DGKD: variants seen among roughly 807,000 people sequenced by gnomAD.
DGKD encodes the protein DAG kinase delta.
A neutral mutation model predicts 154.4 loss-of-function variants in DGKD; 68 were observed. The ratio of observed to expected loss-of-function variants is 0.44; its 90% CI spans 0.36 to 0.54. The LOEUF is 0.54. Among genes scored for constraint, DGKD ranks in the 20% least tolerant of loss-of-function variants. The pLI is 0.00. For synonymous variants in DGKD, 693 were observed against 638.0 expected (o/e 1.09, Z -1.30); for missense variants, 1,343 against 1,593.6 (o/e 0.84, Z 2.68).
intron 1 of DGKD, among the ~76,000 whole-genome samples, chr2:233,383,698 C>T (rs930850927): frequency 3.3e-5 from 5 of 152,206 alleles, no homozygotes; most frequent in Non-Finnish European, 5.9e-5. Context: ...GCTGAAGTCC[C>T]CCTCCCTCCC....
intron 3 of DGKD, among the ~76,000 whole-genome samples, chr2:233,403,172 T>A (rs1429540604): frequency 1.3e-5 from 2 of 152,224 alleles, no homozygotes; most frequent in Non-Finnish European, 2.9e-5. Flanking sequence ...CAGTGCCTGC[T>A]TTCCAGGTAC....
chr2:233,413,264 T>C (rs2061872626), intron 3 of DGKD, among the ~76,000 whole-genome samples: 1 of 152,180 alleles, frequency 6.6e-6, no homozygotes, highest in Admixed American at 6.5e-5. Context: ...AGTGAGTCAG[T>C]GTTACCCCGC....
chr2:233,460,811 G>C (rs563664113), intron 24 of DGKD, among the ~76,000 whole-genome samples: 1 of 152,030 alleles, frequency 6.6e-6, no homozygotes, highest in African/African-American at 2.4e-5. Context: ...AGAATCAGTC[G>C]AACCCCAGAG....
intron 3 of DGKD, among the ~76,000 whole-genome samples, chr2:233,413,120 A>G (rs1323896798): frequency 3.9e-5 from 6 of 152,126 alleles, no homozygotes; most frequent in Admixed American, 3.9e-4. Flanking sequence ...GAGTCAGGCC[A>G]GATGTGGTGG....
chr2:233,464,374 G>A, intron 27 of DGKD, 91 bp downstream of exon 27: 1 of 1,532,902 alleles, frequency 6.5e-7, no homozygotes, highest in East Asian at 2.3e-5. Context: ...TGTGGCTCTG[G>A]GATCAAGATC....
At chr2:233,426,353 T>C (rs2062297932) in intron 3 of DGKD, among the ~76,000 whole-genome samples, 1 of 152,212 alleles carries the variant, frequency 6.6e-6, no homozygotes, top group African/African-American at 2.4e-5. Flanking sequence ...GTATCCTTTT[T>C]GACTGAGGTG....
chr2:233,471,773 T>G lies in DGKD; in HGVS notation c.*2313T>G, dbSNP rs1473225954. ...CATGAGTGTTTAGGAACCTGCCCTT[T>G]GGTGCTGGGCTGGCGTCCCGCACTG... On this transcript the variant is annotated 3_prime_UTR_variant, in exon 30 of 30. Coordinates refer to ENST00000264057, the MANE Select transcript of DGKD (RefSeq NM_152879.3). 1 of 152,420 alleles carries G rather than the reference T, an allele frequency of 6.6e-6. No individual in the cohort carries two copies. The highest frequency in any genetic ancestry group is 2.4e-5 in the African/African-American group (1 of 41,482). 9.4% of individuals were successfully genotyped at this position (152,420 alleles called of 1,614,324 possible). A position where few individuals can be genotyped will look rare whatever the true frequency, so the allele number is the denominator to read the frequency against.
rs2063222008 is a variant in DGKD at position 233,450,057 on chromosome 2, T to G, written c.1964T>G (p.Met655Arg). ...VLGLSESEEK[M>R]DHRVCPPLSH... ...GGCCTCTCTGAGTCAGAGGAGAAGA[T>G]GGACCACAGAGTGTGCCCACCACTG... is the stretch of plus-strand genomic sequence containing the variant. Residue 655 changes from methionine to arginine, a missense_variant, in exon 16 of 30, where the codon ATG (methionine) becomes AGG (arginine). By Grantham distance (91) the Met-to-Arg change is moderately conservative. Coordinates refer to ENST00000264057, the MANE Select transcript of DGKD (RefSeq NM_152879.3). 6.2e-7 allele frequency: 1 copy of G among 1,614,014 alleles called. No homozygotes were observed. Among genetic ancestry groups the G allele is most frequent in the South Asian group, 1.1e-5 (1 of 91,082 alleles).
chr2:233,382,955 A>G (rs1702975614), intron 1 of DGKD, among the ~76,000 whole-genome samples: 1 of 151,894 alleles, frequency 6.6e-6, no homozygotes, highest in Non-Finnish European at 1.5e-5. Context: ...CTTCTGGTAA[A>G]TGCCGGTTCA....
intron 14 of DGKD, among the ~76,000 whole-genome samples, 191 bp from the exon 15 acceptor site, chr2:233,448,912 C>CT (rs1357953231): frequency 6.6e-6 from 1 of 152,246 alleles, no homozygotes; most frequent in Non-Finnish European, 1.5e-5. Flanking sequence ...AATTTCCCAC[C>CT]TGCCAGGGCG....
chr2:233,424,336 T>C (rs141213529), intron 3 of DGKD, among the ~76,000 whole-genome samples: 45 of 152,336 alleles, frequency 3.0e-4, no homozygotes, highest in African/African-American at 1.0e-3. Context: ...GGTGCTGTGA[T>C]TCAGCCTGAT....
chr2:233,379,078 A>G (rs1702745059), intron 1 of DGKD, among the ~76,000 whole-genome samples: 1 of 152,164 alleles, frequency 6.6e-6, no homozygotes. Flanking sequence ...TAAGATAAAT[A>G]AACCCACTGA....
chr2:233,463,218 G>A (rs376416352), intron 26 of DGKD, among the ~76,000 whole-genome samples: 9 of 152,152 alleles, frequency 5.9e-5, no homozygotes, highest in Admixed American at 1.3e-4. Context: ...CTGGAGAACC[G>A]CCCCAGGTGT....
At chr2:233,384,820 C>T (rs1264283182) in intron 1 of DGKD, among the ~76,000 whole-genome samples, 4 of 152,136 alleles carry the variant, frequency 2.6e-5, no homozygotes, top group South Asian at 4.1e-4. Flanking sequence ...GAGCCACCAC[C>T]GGGCTCTGTC....
intron 12 of DGKD, 169 bp from the exon 13 acceptor site, chr2:233,447,918 T>C: frequency 6.9e-7 from 1 of 1,440,920 alleles, no homozygotes; most frequent in Non-Finnish European, 9.1e-7. Flanking sequence ...GAGTCCCAGA[T>C]TAGCGTTAGA....
intron 12 of DGKD, 196 bp from the exon 13 acceptor site, chr2:233,447,891 C>T: frequency 7.1e-7 from 1 of 1,413,080 alleles, no homozygotes; most frequent in South Asian, 1.5e-5. Flanking sequence ...TTTAAAATCT[C>T]TCACCTAGCA....
intron 27 of DGKD, 109 bp downstream of exon 27, chr2:233,464,392 T>C: frequency 1.4e-6 from 2 of 1,436,368 alleles, no homozygotes; most frequent in Non-Finnish European, 9.6e-7. Flanking sequence ...ATCGTGTCGC[T>C]CCGGCAGCCC....
At chr2:233,456,785 C>G (rs1338380264) in intron 19 of DGKD, 114 bp from the exon 20 acceptor site, 3 of 762,048 alleles carry the variant, frequency 3.9e-6, no homozygotes, top group Non-Finnish European at 6.6e-6. Flanking sequence ...TAAATAATTG[C>G]TAAATGTAGC....
intron 3 of DGKD, among the ~76,000 whole-genome samples, chr2:233,408,011 C>A (rs959099603): frequency 1.3e-5 from 2 of 151,700 alleles, no homozygotes; most frequent in African/African-American, 4.8e-5. Flanking sequence ...AATTCCTAAG[C>A]CAGTTAACTT....
Sources: allele counts gnomAD v4.1 joint callset (sites outside exome capture counted in the v4.1 genomes callset), GRCh38; gene constraint gnomAD v4.1.1; transcripts MANE v1.5; gene names NCBI Gene and HGNC (gene_info 2026-07-23, HGNC 2026-07-21).